SLC24A2: variants seen among roughly 807,000 people sequenced by gnomAD.
SLC24A2 encodes sodium/potassium/calcium exchanger 2.
Under a neutral mutation model 62.0 loss-of-function variants are expected in SLC24A2, and 36 were observed. That is an observed-to-expected ratio of 0.58 (90% CI 0.44 to 0.77). SLC24A2 has a LOEUF of 0.77. SLC24A2 is among the 30% of genes least tolerant of loss of function. SLC24A2 has a pLI of 0.00. For synonymous variants in SLC24A2, 358 were observed against 294.0 expected, an observed-to-expected ratio of 1.22 and a Z score of -2.23; for missense variants, 846 against 817.9, an observed-to-expected ratio of 1.03 and a Z score of -0.42.
At chr9:19,824,949 T>A in the SLC24A2 span, among the ~76,000 whole-genome samples, 5 of 152,020 alleles carry the variant, frequency 3.3e-5, no homozygotes, top group African/African-American at 9.7e-5. Context: ...ATGTTCTCAC[T>A]CATAAGTGGG....
chr9:19,835,948 A>T, the SLC24A2 span, among the ~76,000 whole-genome samples: 1 of 152,226 alleles, frequency 6.6e-6, no homozygotes, highest in Non-Finnish European at 1.5e-5. Flanking sequence ...AACTACATGG[A>T]AACTGAACAA....
the SLC24A2 span, among the ~76,000 whole-genome samples, chr9:19,875,753 T>G: frequency 6.6e-6 from 1 of 152,206 alleles, no homozygotes; most frequent in African/African-American, 2.4e-5. Context: ...AAAGGAATGA[T>G]GAACAGCTGC....
the SLC24A2 span, among the ~76,000 whole-genome samples, chr9:20,146,296 T>A: frequency 1.3e-5 from 2 of 152,054 alleles, no homozygotes; most frequent in African/African-American, 4.8e-5. Flanking sequence ...TCTGTCTGAG[T>A]CGTGTTGAGA....
the SLC24A2 span, among the ~76,000 whole-genome samples, chr9:20,113,820 A>T: frequency 6.6e-6 from 1 of 152,170 alleles, no homozygotes; most frequent in Non-Finnish European, 1.5e-5. Flanking sequence ...TCCTCTTTCA[A>T]TCAAGATGGA....
intron 2 of SLC24A2, among the ~76,000 whole-genome samples, chr9:19,732,768 G>A (rs1821378369): frequency 6.6e-6 from 1 of 152,138 alleles, no homozygotes; most frequent in Non-Finnish European, 1.5e-5. Context: ...AGAGACACTG[G>A]CTGCCAGGGT....
the SLC24A2 span, among the ~76,000 whole-genome samples, chr9:20,019,046 A>G: frequency 6.6e-6 from 1 of 150,630 alleles, no homozygotes; most frequent in Non-Finnish European, 1.5e-5. Context: ...CCTGGAACAC[A>G]GAGGGAGACT....
chr9:20,228,794 G>A, the SLC24A2 span, among the ~76,000 whole-genome samples: 1 of 152,152 alleles, frequency 6.6e-6, no homozygotes, highest in African/African-American at 2.4e-5. Flanking sequence ...GAAGGAGAGA[G>A]AAAAGCAGAA....
At chr9:20,285,635 A>C in the SLC24A2 span, among the ~76,000 whole-genome samples, 1 of 152,198 alleles carries the variant, frequency 6.6e-6, no homozygotes, top group Non-Finnish European at 1.5e-5. Context: ...TTAAATGTTA[A>C]TCTCATCCAA....
At chr9:19,796,553 G>A in the SLC24A2 span, among the ~76,000 whole-genome samples, 10 of 152,198 alleles carry the variant, frequency 6.6e-5, no homozygotes, top group Non-Finnish European at 1.5e-4. Context: ...CCAGAATGGG[G>A]CACAGGAGGA....
intron 7 of SLC24A2, among the ~76,000 whole-genome samples, chr9:19,570,268 G>A (rs1462553970): frequency 1.3e-5 from 2 of 152,168 alleles, no homozygotes; most frequent in African/African-American, 4.8e-5. Flanking sequence ...CACTAAACAT[G>A]ACTTTCCCTT....
chr9:19,863,603 C>T, the SLC24A2 span, among the ~76,000 whole-genome samples: 2 of 151,554 alleles, frequency 1.3e-5, no homozygotes, highest in Non-Finnish European at 3.0e-5. Context: ...AAATATTCTT[C>T]TGAATGACCA....
the SLC24A2 span, among the ~76,000 whole-genome samples, chr9:19,987,458 A>G: frequency 0.014 from 2,172 of 152,268 alleles, 23 homozygotes; most frequent in Non-Finnish European, 0.019. Context: ...TGAGTATTAT[A>G]TAATATTAAG....
chr9:19,809,643 G>T, the SLC24A2 span, among the ~76,000 whole-genome samples: 1 of 152,116 alleles, frequency 6.6e-6, no homozygotes, highest in Non-Finnish European at 1.5e-5. Context: ...TGTACAGTAA[G>T]GAGCGGACAG....
At chr9:19,593,306 TG>T (rs1836611136) in intron 5 of SLC24A2, among the ~76,000 whole-genome samples, 1 of 152,144 alleles carries the variant, frequency 6.6e-6, no homozygotes. Context: ...ATCCAGCACC[TG>T]GTACATACTG....
At chr9:20,297,786 T>A in the SLC24A2 span, among the ~76,000 whole-genome samples, 4 of 152,200 alleles carry the variant, frequency 2.6e-5, no homozygotes, top group African/African-American at 9.7e-5. Context: ...CTTTTTAGGT[T>A]ACAGACAGTG....
intron 2 of SLC24A2, among the ~76,000 whole-genome samples, chr9:19,645,716 C>CTGA (rs1818621532): frequency 3.9e-5 from 6 of 152,296 alleles, no homozygotes; most frequent in Admixed American, 3.9e-4. Flanking sequence ...ACACCCCACA[C>CTGA]CGCAATCTTG....
At chr9:20,251,471 A>G in the SLC24A2 span, among the ~76,000 whole-genome samples, 4 of 152,208 alleles carry the variant, frequency 2.6e-5, no homozygotes, top group Admixed American at 1.3e-4. Flanking sequence ...GCTATGTACA[A>G]TTTGCATTTT....
intron 8 of SLC24A2, among the ~76,000 whole-genome samples, chr9:19,535,385 T>C (rs1833911707): frequency 1.3e-5 from 2 of 152,230 alleles, no homozygotes; most frequent in South Asian, 2.1e-4. Flanking sequence ...TTTTGGCTTT[T>C]GTTGCCATTG....
the SLC24A2 span, among the ~76,000 whole-genome samples, chr9:20,266,914 C>G: frequency 6.6e-6 from 1 of 151,976 alleles, no homozygotes; most frequent in Non-Finnish European, 1.5e-5. Flanking sequence ...CCCATCTCCA[C>G]AAAACTAAAT....
Sources: allele counts gnomAD v4.1 joint callset (sites outside exome capture counted in the v4.1 genomes callset), GRCh38; gene constraint gnomAD v4.1.1; transcripts MANE v1.5; gene names NCBI Gene and HGNC (gene_info 2026-07-23, HGNC 2026-07-21).